The following CLEC2D variants were observed in gnomAD, a reference collection of about 807,000 sequenced individuals.
CLEC2D encodes the protein C-type lectin related f.
CLEC2D carries 16 observed loss-of-function variants against 20.0 expected under a neutral mutation model. That is an observed-to-expected ratio of 0.80 (90% CI 0.54 to 1.22). The LOEUF is 1.22. Among genes scored for constraint, CLEC2D ranks in the 50% most tolerant of loss-of-function variants. The pLI is 0.00. For synonymous variants in CLEC2D, 77 were observed against 71.1 expected (o/e 1.08, Z -0.42); for missense variants, 207 against 221.5 (o/e 0.93, Z 0.42).
intron 1 of CLEC2D, among the ~76,000 whole-genome samples, chr12:9,672,125 C>T (rs1315409687): frequency 6.6e-6 from 1 of 152,176 alleles, no homozygotes; most frequent in Non-Finnish European, 1.5e-5. Context: ...ACACATCTTG[C>T]TCCATCATCC....
intron 3 of CLEC2D, among the ~76,000 whole-genome samples, chr12:9,692,459 G>T (rs1259643842): frequency 6.6e-6 from 1 of 152,058 alleles, no homozygotes; most frequent in Admixed American, 6.6e-5. Flanking sequence ...TTGACAAAAA[G>T]CATATCCTGG....
At chr12:9,670,290 T>C (rs1865388215) in intron 1 of CLEC2D, among the ~76,000 whole-genome samples, 1 of 152,134 alleles carries the variant, frequency 6.6e-6, no homozygotes, top group South Asian at 2.1e-4. Context: ...AATATATATA[T>C]ATATAGCTTT....
At chr12:9,675,336 C>T (rs1355459504) in intron 1 of CLEC2D, among the ~76,000 whole-genome samples, 3 of 152,178 alleles carry the variant, frequency 2.0e-5, no homozygotes, top group South Asian at 4.1e-4. Flanking sequence ...GCTGGGACTA[C>T]AGACACCTGC....
chr12:9,691,741 T>C (rs1865867359), intron 3 of CLEC2D, among the ~76,000 whole-genome samples: 1 of 152,158 alleles, frequency 6.6e-6, no homozygotes, highest in African/African-American at 2.4e-5. Context: ...GTTTATGGTA[T>C]ACACTGAACA....
chr12:9,681,318 A>G (rs988200104), intron 2 of CLEC2D, among the ~76,000 whole-genome samples: 1 of 152,158 alleles, frequency 6.6e-6, no homozygotes, highest in African/African-American at 2.4e-5. Context: ...TAAACTGAAA[A>G]ATAGTCTCTT....
intron 1 of CLEC2D, among the ~76,000 whole-genome samples, chr12:9,671,409 A>G (rs1444415804): frequency 6.6e-6 from 1 of 151,884 alleles, no homozygotes; most frequent in Non-Finnish European, 1.5e-5. Context: ...TTTAGTAGAG[A>G]CGGGGTTTCA....
At chr12:9,677,694 C>T (rs985243692) in intron 1 of CLEC2D, among the ~76,000 whole-genome samples, 15 of 141,796 alleles carry the variant, frequency 1.1e-4, no homozygotes, top group Non-Finnish European at 2.3e-4. Flanking sequence ...TGGATCTGGG[C>T]ATTTCTTTCT....
chr12:9,676,087 TAC>T (rs1361301653), intron 1 of CLEC2D, among the ~76,000 whole-genome samples: 3 of 152,364 alleles, frequency 2.0e-5, no homozygotes, highest in African/African-American at 7.2e-5. Context: ...TGCAGAGAAA[TAC>T]AGTTTTATTT....
intron 1 of CLEC2D, among the ~76,000 whole-genome samples, chr12:9,675,376 A>G (rs1865502964): frequency 6.6e-6 from 1 of 151,942 alleles, no homozygotes; most frequent in Non-Finnish European, 1.5e-5. Flanking sequence ...TTGTATTTTT[A>G]GTAGAGACGG....
rs1008314248 is a variant in CLEC2D, at chr12:9,697,628, T to C, written c.*2754T>C. On this transcript the variant is annotated 3_prime_UTR_variant, in exon 5 of 5. Transcript: ENST00000290855. ...CTCAGCACTGTTATTTGAAACAATG[T>C]AAATAAACCTATAGGGTTTATTATA... 1 of 152,006 alleles carries C rather than the reference T, an allele frequency of 6.6e-6. No individual in the cohort carries two copies. Among genetic ancestry groups the C allele is most frequent in the African/African-American group, 2.4e-5 (1 of 41,358 alleles). 9.4% of individuals were successfully genotyped at this position (152,006 alleles called of 1,614,324 possible).
At position 9,699,348 on chromosome 12, in the gene CLEC2D, C is replaced by T. The variant is rs1336384555; in HGVS notation, c.*4474C>T. Reference sequence around the variant, plus strand: ...TTTAATTATTCTTAATGGAAAGACACTTCTGTATACACTGGAAATCTCAGG... The same window carrying T: ...TTTAATTATTCTTAATGGAAAGACATTTCTGTATACACTGGAAATCTCAGG... On this transcript the variant is annotated 3_prime_UTR_variant, in exon 5 of 5. Coordinates refer to ENST00000290855, the MANE Select transcript of CLEC2D (RefSeq NM_013269.6). 1 of 152,178 alleles carries T rather than the reference C, an allele frequency of 6.6e-6. No individual in the cohort carries two copies. The highest frequency in any genetic ancestry group is 1.5e-5 in the Non-Finnish European group (1 of 68,020). The allele number at this position is 152,178 out of a possible 1,614,324, so 9.4% of individuals were successfully genotyped here. A position where few individuals can be genotyped will look rare whatever the true frequency, so the allele number is the denominator to read the frequency against.
intron 3 of CLEC2D, among the ~76,000 whole-genome samples, chr12:9,688,870 T>C (rs1178744794): frequency 6.6e-6 from 1 of 152,218 alleles, no homozygotes; most frequent in Non-Finnish European, 1.5e-5. Flanking sequence ...TCGAGTCTAG[T>C]TAAACACTGG....
intron 1 of CLEC2D, among the ~76,000 whole-genome samples, chr12:9,677,635 A>G (rs752576638): frequency 1.9e-4 from 28 of 150,200 alleles, no homozygotes; most frequent in Non-Finnish European, 3.0e-4. Flanking sequence ...TATTCGGTTA[A>G]TTGATGATGT....
At chr12:9,673,401 CA>C (rs1363880258) in intron 1 of CLEC2D, among the ~76,000 whole-genome samples, 16 of 152,268 alleles carry the variant, frequency 1.1e-4, no homozygotes, top group African/African-American at 3.9e-4. Flanking sequence ...GGCTGCAGAA[CA>C]GCAGATTGCT....
At chr12:9,670,980 C>G (rs78166906) in intron 1 of CLEC2D, among the ~76,000 whole-genome samples, 1 of 152,278 alleles carries the variant, frequency 6.6e-6, no homozygotes, top group African/African-American at 2.4e-5. Context: ...GGGTCTCTTT[C>G]TAAAGTTTCT....
chr12:9,689,636 T>C (rs1011411229), intron 3 of CLEC2D, among the ~76,000 whole-genome samples: 1 of 151,714 alleles, frequency 6.6e-6, no homozygotes, highest in African/African-American at 2.4e-5. Context: ...ATGAACAAAA[T>C]TAGAATATCA....
chr12:9,680,932 A>C lies in CLEC2D; in HGVS notation c.71A>C (p.His24Pro), dbSNP rs745528390. The change falls in exon 2 of 5, where the codon CAT (histidine) becomes CCT (proline). Residue 24 changes from histidine to proline, a missense_variant. Physicochemically the swap from His to Pro is moderately conservative, Grantham distance 77. Coordinates refer to ENST00000290855, the MANE Select transcript of CLEC2D (RefSeq NM_013269.6). ...SELPANPGCL[H>P]SKEHSIKATL... ...CAATAATTTTTTCCAGGTTGTCTGCATTCAAAAGAGCATTCTATTAAAGCT... is the reference window on the plus strand; with the variant it reads ...CAATAATTTTTTCCAGGTTGTCTGCCTTCAAAAGAGCATTCTATTAAAGCT... The C allele has an allele frequency of 4.5e-6, 7 of 1,556,930 alleles. No homozygotes were observed. The highest frequency in any genetic ancestry group is 3.4e-5 in the South Asian group (3 of 89,508).
At chr12:9,693,752 T>G (rs1865916163) in intron 4 of CLEC2D, 7 of 417,800 alleles carry the variant, frequency 1.7e-5, no homozygotes, top group South Asian at 1.2e-4. Flanking sequence ...TATTTCTTAT[T>G]TTACAATACG....
chr12:9,676,986 T>C (rs1241214460), intron 1 of CLEC2D, among the ~76,000 whole-genome samples: 2 of 152,088 alleles, frequency 1.3e-5, no homozygotes, highest in African/African-American at 2.4e-5. Context: ...ATTTCTGATA[T>C]AGATAATTTG....
Sources: allele counts gnomAD v4.1 joint callset (sites outside exome capture counted in the v4.1 genomes callset), GRCh38; gene constraint gnomAD v4.1.1; transcripts MANE v1.5; gene names NCBI Gene and HGNC (gene_info 2026-07-23, HGNC 2026-07-21).